Variants in CNGB1 observed in about 807,000 individuals in gnomAD.
CNGB1 encodes cyclic nucleotide gated channel subunit beta 1.
CNGB1 carries 126 observed loss-of-function variants against 151.7 expected under a neutral mutation model. That is an observed-to-expected ratio of 0.83 (90% CI 0.72 to 0.96). The LOEUF (loss-of-function observed/expected upper bound fraction) is 0.96, where lower values mean the gene tolerates loss of function less well. Among genes scored for constraint, CNGB1 ranks in the 40% least tolerant of loss-of-function variants. The probability of loss-of-function intolerance (pLI) is 0.00; values close to 1 mark genes in which losing one functional copy is unlikely to be tolerated. For synonymous variants in CNGB1, 623 were observed against 635.1 expected, an observed-to-expected ratio of 0.98 and a Z score of 0.29; for missense variants, 1,698 against 1,627.0, an observed-to-expected ratio of 1.04 and a Z score of -0.75.
rs748749893 is a variant in CNGB1, at chr16:57,964,478, C to T, written c.217+9G>A. 5.2e-5 allele frequency: 84 copies of T among 1,613,864 alleles called. No individual in the cohort carries two copies. Among genetic ancestry groups the T allele is most frequent in the Non-Finnish European group, 6.8e-5 (80 of 1,180,000 alleles). ...CCATGCCAGCCTGGGCTTCAGCACT[C>T]GCACTCACCCTGAGGGCTTGGGTCT... On this transcript the variant is annotated intron_variant, in intron 3 of 32. Coordinates refer to ENST00000251102, the MANE Select transcript of CNGB1 (RefSeq NM_001297.5).
At chr16:57,939,872 G>A (rs959285362) in intron 15 of CNGB1, among the ~76,000 whole-genome samples, 2 of 152,204 alleles carry the variant, frequency 1.3e-5, no homozygotes, top group Non-Finnish European at 2.9e-5. Flanking sequence ...ACAAAGCATC[G>A]ACAGCACCAC....
At chr16:57,936,181 C>A (rs1378322349) in intron 16 of CNGB1, among the ~76,000 whole-genome samples, 5 of 152,302 alleles carry the variant, frequency 3.3e-5, no homozygotes, top group African/African-American at 1.2e-4. Flanking sequence ...GACCTTGTCA[C>A]AATCAATGGA....
intron 32 of CNGB1, among the ~76,000 whole-genome samples, chr16:57,886,467 T>C (rs1165710432): frequency 2.0e-5 from 3 of 152,130 alleles, no homozygotes; most frequent in African/African-American, 7.2e-5. Flanking sequence ...AGCCAGGCAA[T>C]CACATCTTTC....
At chr16:57,952,398 A>G (rs1961972220) in intron 12 of CNGB1, among the ~76,000 whole-genome samples, 1 of 147,996 alleles carries the variant, frequency 6.8e-6, no homozygotes, top group African/African-American at 2.5e-5. Context: ...TTAAGAATTG[A>G]TGCTGTCCTT....
In CNGB1 at chr16:57,920,519, C is replaced by T; in HGVS notation, c.1669G>A (p.Ala557Thr). Residue 557 changes from alanine (A) to threonine (T), a missense_variant, in exon 19 of 33, where the codon GCC becomes ACC. Physicochemically the swap from Ala to Thr is moderately conservative, Grantham distance 58 (BLOSUM62 0). Transcript: ENST00000251102. The part of the protein sequence containing the change: ...TDGQDRAAST[A>T]STNSAIINDR... The stretch of plus-strand genomic sequence containing the variant: ...TTGATGATGGCGCTATTTGTGCTGG[C>T]CGTGGAGGCCGCACGGTCCTGGCCA... The T allele has an allele frequency of 6.2e-7, 1 of 1,613,646 alleles. No homozygotes were observed. The highest frequency in any genetic ancestry group is 8.5e-7 in the Non-Finnish European group (1 of 1,180,038).
intron 31 of CNGB1, among the ~76,000 whole-genome samples, chr16:57,891,085 C>G (rs1960076837): frequency 6.6e-6 from 1 of 152,198 alleles, no homozygotes; most frequent in South Asian, 2.1e-4. Flanking sequence ...AAACTCTTGC[C>G]TAACCCACCC....
intron 14 of CNGB1, among the ~76,000 whole-genome samples, chr16:57,942,316 T>A (rs1486170321): frequency 2.6e-5 from 4 of 152,072 alleles, no homozygotes; most frequent in African/African-American, 9.7e-5. Context: ...TTTGATCTTA[T>A]ATATAAAAAA....
chr16:57,942,675 A>C (rs1008268668), intron 14 of CNGB1, among the ~76,000 whole-genome samples: 1 of 151,888 alleles, frequency 6.6e-6, no homozygotes, highest in Admixed American at 6.6e-5. Context: ...GACCAGCCTG[A>C]ACAACACGGC....
chr16:57,919,555 A>G lies in CNGB1; in HGVS notation c.1802-301T>C, dbSNP rs1176990504. On this transcript the variant is annotated intron_variant, in intron 19 of 32. Transcript: ENST00000251102. Reference sequence around the variant, plus strand: ...GTTTCTGGGCCAGTTGGATGTTTCAATGTCTGCTTGTGTGTTGTGCTTAGA... The same window carrying G: ...GTTTCTGGGCCAGTTGGATGTTTCAGTGTCTGCTTGTGTGTTGTGCTTAGA... Among the ~76,000 whole-genome samples, 3 of 152,074 alleles carry G rather than the reference A, an allele frequency of 2.0e-5. No homozygotes were observed. The East Asian group carries it at 5.8e-4, about 29-fold the overall frequency.
chr16:57,924,147 T>C (rs1468899645), intron 17 of CNGB1, among the ~76,000 whole-genome samples: 1 of 152,080 alleles, frequency 6.6e-6, no homozygotes, highest in Non-Finnish European at 1.5e-5. Context: ...TCTGACTTGG[T>C]GGAAGAGGTG....
chr16:57,902,670 C>T (rs1219673963), intron 27 of CNGB1, among the ~76,000 whole-genome samples: 1 of 151,968 alleles, frequency 6.6e-6, no homozygotes, highest in Non-Finnish European at 1.5e-5. Context: ...AGTGCAGTGG[C>T]ACAATCACAA....
chr16:57,963,117 G>T, intron 4 of CNGB1, 53 bp from the exon 5 acceptor site: 2 of 1,298,280 alleles, frequency 1.5e-6, no homozygotes, highest in Non-Finnish European at 2.2e-6. Flanking sequence ...GCTCAATGAG[G>T]CCCTCGAGGC....
chr16:57,947,755 C>T (rs1323529043), intron 14 of CNGB1, among the ~76,000 whole-genome samples: 2 of 152,138 alleles, frequency 1.3e-5, no homozygotes, highest in Non-Finnish European at 1.5e-5. Context: ...CTGACTGGAA[C>T]GAAAAGAGGC....
chr16:57,886,830 G>A (rs1312768795), intron 32 of CNGB1, among the ~76,000 whole-genome samples: 1 of 152,096 alleles, frequency 6.6e-6, no homozygotes, highest in African/African-American at 2.4e-5. Context: ...ATGGGGGTGG[G>A]GACATTTGGC....
chr16:57,917,580 T>C lies in CNGB1; in HGVS notation c.1958-104A>G, dbSNP rs1199845529. 4 of 1,012,594 alleles carry C rather than the reference T, an allele frequency of 4.0e-6. No individual in the cohort carries two copies. The East Asian group carries it at 9.5e-5, about 24-fold the overall frequency. 62.7% of individuals were successfully genotyped at this position (1,012,594 alleles called of 1,614,324 possible). A position where few individuals can be genotyped will look rare whatever the true frequency, so the allele number is the denominator to read the frequency against. On this transcript the variant is annotated intron_variant, in intron 20 of 32. Coordinates refer to ENST00000251102, the MANE Select transcript of CNGB1 (RefSeq NM_001297.5). ...TCTTTCTACTCCTTCAACTACTACA[T>C]GTGGCACTTTTGTAAGAGTGTGTGT... is the stretch of plus-strand genomic sequence containing the variant.
Position 57,923,446 on chromosome 16 carries a change from A to G in CNGB1, c.1536-66T>C, listed in dbSNP as rs537671350. On this transcript the variant is annotated intron_variant, in intron 17 of 32. Transcript: ENST00000251102. ...AGAGGCCCCAGGGAGAAGTGTCATG[A>G]CTTTGATCCCTAAAGATCATCTAGA... is the stretch of plus-strand genomic sequence containing the variant. 5.3e-6 allele frequency: 7 copies of G among 1,318,576 alleles called. No individual in the cohort carries two copies. In the East Asian group the frequency reaches 1.6e-4, roughly 31 times the overall value. The allele number at this position is 1,318,576 out of a possible 1,614,324, so 81.7% of individuals were successfully genotyped here.
chr16:57,937,021 G>A (rs1260262469), intron 16 of CNGB1: 42 of 152,394 alleles, frequency 2.8e-4, no homozygotes, highest in Non-Finnish European at 1.5e-5. Flanking sequence ...ACCCAGGCAG[G>A]AAGACAGCCC....
intron 22 of CNGB1, 39 bp from the exon 23 acceptor site, chr16:57,915,374 G>A: frequency 6.6e-7 from 1 of 1,508,426 alleles, no homozygotes; most frequent in Non-Finnish European, 9.2e-7. Flanking sequence ...TAAAACGGAT[G>A]ACTCCAGGGT....
At chr16:57,968,172 G>A (rs1962447404) in intron 1 of CNGB1, among the ~76,000 whole-genome samples, 1 of 152,228 alleles carries the variant, frequency 6.6e-6, no homozygotes, top group Admixed American at 6.5e-5. Context: ...TACCTCATGG[G>A]CTAATTGTGA....
Sources: allele counts gnomAD v4.1 joint callset (sites outside exome capture counted in the v4.1 genomes callset), GRCh38; gene constraint gnomAD v4.1.1; transcripts MANE v1.5; gene names NCBI Gene and HGNC (gene_info 2026-07-23, HGNC 2026-07-21).